TUFT1: variants seen among roughly 807,000 people sequenced by gnomAD.
TUFT1 encodes the protein tuftelin 1.
A neutral mutation model predicts 57.8 loss-of-function variants in TUFT1; 43 were observed. That is an observed-to-expected ratio of 0.74 (90% CI 0.58 to 0.96). The LOEUF is 0.96. TUFT1 is among the 40% of genes least tolerant of loss of function. The pLI, the probability that TUFT1 is intolerant of heterozygous loss-of-function variation, is 0.00. For missense variants in TUFT1, 459 were observed against 489.0 expected, an observed-to-expected ratio of 0.94 and a Z score of 0.58; for synonymous variants, 166 against 176.7, an observed-to-expected ratio of 0.94 and a Z score of 0.48.
intron 1 of TUFT1, among the ~76,000 whole-genome samples, chr1:151,546,601 T>A (rs1482739694): frequency 1.3e-5 from 2 of 152,238 alleles, no homozygotes; most frequent in African/African-American, 4.8e-5. Flanking sequence ...TTGTGGATAT[T>A]TAATATAAAT....
chr1:151,555,447 G>A (rs2102528198), intron 1 of TUFT1, among the ~76,000 whole-genome samples: 1 of 147,316 alleles, frequency 6.8e-6, no homozygotes, highest in Non-Finnish European at 1.5e-5. Context: ...GCAAGTACTT[G>A]AAGGAATATT....
chr1:151,572,683 G>A (rs760329412), intron 7 of TUFT1, among the ~76,000 whole-genome samples: 2 of 152,150 alleles, frequency 1.3e-5, no homozygotes, highest in African/African-American at 2.4e-5. Flanking sequence ...CAATTACCAT[G>A]AAAATAACTT....
At chr1:151,557,701 C>G in intron 1 of TUFT1, 1 of 814,622 alleles carries the variant, frequency 1.2e-6, no homozygotes, top group Non-Finnish European at 2.2e-6. Context: ...TCATCTGCCC[C>G]GGAGATTGTG....
At chr1:151,556,432 A>G (rs1177283273) in intron 1 of TUFT1, among the ~76,000 whole-genome samples, 1 of 120,812 alleles carries the variant, frequency 8.3e-6, no homozygotes, top group East Asian at 2.3e-4. Context: ...TCCTCTCCTC[A>G]GGGTCCTACT....
intron 2 of TUFT1, 178 bp from the exon 3 acceptor site, chr1:151,562,407 G>A: frequency 1.5e-6 from 1 of 655,136 alleles, no homozygotes; most frequent in Non-Finnish European, 2.6e-6. Context: ...TCTTGCTGCT[G>A]TGTGGCTTCT....
chr1:151,582,063 G>C lies in TUFT1; in HGVS notation c.*356G>C. On this transcript the variant is annotated 3_prime_UTR_variant, in exon 13 of 13. Coordinates refer to ENST00000368849, the MANE Select transcript of TUFT1 (RefSeq NM_020127.3). ...AGGCCTTCATCAGATTGGGAGAGGT[G>C]ACAAGATTTGCCTCAGCCCTAAAAG... The C allele has an allele frequency of 1.9e-6, 1 of 517,714 alleles. No individual in the cohort carries two copies. The allele number at this position is 517,714 out of a possible 1,614,324, so 32.1% of individuals were successfully genotyped here. A position where few individuals can be genotyped will look rare whatever the true frequency, so the allele number is the denominator to read the frequency against.
chr1:151,561,443 G>A (rs2102535581), intron 1 of TUFT1: 1 of 612,906 alleles, frequency 1.6e-6, no homozygotes, highest in Non-Finnish European at 2.0e-6. Flanking sequence ...AAGCCTGGGA[G>A]GTTGAGGCTG....
intron 1 of TUFT1, among the ~76,000 whole-genome samples, chr1:151,542,367 A>G (rs1665195232): frequency 6.6e-6 from 1 of 150,672 alleles, no homozygotes; most frequent in Non-Finnish European, 1.5e-5. Context: ...GACTGTAGGC[A>G]CATGCCACCA....
In TUFT1 at chr1:151,563,925, G is replaced by A. The variant is rs1044329362; in HGVS notation, c.259G>A (p.Gly87Arg). 4 of 1,613,984 alleles carry A rather than the reference G, an allele frequency of 2.5e-6. No individual in the cohort carries two copies. The African/African-American group carries it at 5.3e-5, about 22-fold the overall frequency. ...IIKVYLKGRS[G>R]DKMIHEKNIN... The stretch of plus-strand genomic sequence containing the variant: ...TCAGGTGTACTTGAAGGGGAGGTCT[G>A]GAGACAAGATGATTCACGAGAAGAA... Residue 87 changes from glycine to arginine, a missense_variant, in exon 4 of 13, where the codon GGA becomes AGA. Coordinates refer to ENST00000368849, the MANE Select transcript of TUFT1 (RefSeq NM_020127.3).
At position 151,561,466 on chromosome 1, in the gene TUFT1, C is replaced by T. The variant is rs1368229166; in HGVS notation, c.61-625C>T. On this transcript the variant is annotated intron_variant, in intron 1 of 12. Transcript: ENST00000368849. ...GAGGTTGAGGCTGCAGTCATGCGCGCGCGCGCGCACACACACACACACACA... is the reference window on the plus strand; with the variant it reads ...GAGGTTGAGGCTGCAGTCATGCGCGTGCGCGCGCACACACACACACACACA... 8.6e-4 allele frequency: 81 copies of T among 94,170 alleles called. No homozygotes were observed. In the East Asian group the frequency reaches 0.012, roughly 13 times the overall value. 5.8% of individuals were successfully genotyped at this position (94,170 alleles called of 1,614,324 possible). A position where few individuals can be genotyped will look rare whatever the true frequency, so the allele number is the denominator to read the frequency against.
chr1:151,579,324 C>G (rs191240571), intron 10 of TUFT1, among the ~76,000 whole-genome samples: 12 of 152,188 alleles, frequency 7.9e-5, no homozygotes, highest in Admixed American at 5.2e-4. Flanking sequence ...TCCATTATCT[C>G]GAACAGAGTC....
At chr1:151,567,656 G>C (rs180676460) in intron 6 of TUFT1, among the ~76,000 whole-genome samples, 3 of 152,056 alleles carry the variant, frequency 2.0e-5, no homozygotes, top group African/African-American at 7.2e-5. Flanking sequence ...AGCAATTCTC[G>C]TGCCTCAGCG....
rs1169308016 is a variant in TUFT1, at chr1:151,562,148, G to A, written c.118G>A (p.Glu40Lys). The change falls in exon 2 of 13, where the codon GAA (glutamate) becomes AAA (lysine). Residue 40 changes from glutamate (E) to lysine (K), a missense_variant. Coordinates refer to ENST00000368849, the MANE Select transcript of TUFT1 (RefSeq NM_020127.3). ...LQGELTGDEL[E>K]HIAQKAGRKT... is the part of the protein sequence containing the mutation. ...GGGTGAACTGACAGGAGATGAACTT[G>A]AACACATAGCCCAGAAGGTACTGCG... 6.2e-7 allele frequency: 1 copy of A among 1,614,126 alleles called. No individual in the cohort carries two copies. Among genetic ancestry groups the A allele is most frequent in the Admixed American group, 1.7e-5 (1 of 60,024 alleles).
chr1:151,563,657 G>A (rs565694774), intron 3 of TUFT1, among the ~76,000 whole-genome samples: 1 of 152,300 alleles, frequency 6.6e-6, no homozygotes, highest in South Asian at 2.1e-4. Context: ...GTATATATGT[G>A]AGTGTTTATG....
At chr1:151,576,682 G>A (rs1666472389) in intron 9 of TUFT1, among the ~76,000 whole-genome samples, 1 of 152,164 alleles carries the variant, frequency 6.6e-6, no homozygotes, top group Non-Finnish European at 1.5e-5. Flanking sequence ...GCCCAGGCTG[G>A]AGTGCAGTGG....
In TUFT1 at chr1:151,580,934, T is replaced by A. The variant is rs201397701; in HGVS notation, c.1009-8T>A. 20 of 1,613,638 alleles carry A rather than the reference T, an allele frequency of 1.2e-5. No individual in the cohort carries two copies. Among genetic ancestry groups the A allele is most frequent in the Non-Finnish European group, 1.6e-5 (19 of 1,179,726 alleles). On this transcript the variant is annotated splice_polypyrimidine_tract_variant and splice_region_variant and intron_variant, in intron 11 of 12. Transcript: ENST00000368849. ...AGGCCAACTCTAACCCCTAAGCTTGTGTTACAGAATTTAGAGATGCATGAC... is the reference window on the plus strand; with the variant it reads ...AGGCCAACTCTAACCCCTAAGCTTGAGTTACAGAATTTAGAGATGCATGAC...
At position 151,563,960 on chromosome 1, in the gene TUFT1, G is replaced by C; in HGVS notation, c.294G>C (p.Gln98His). Residue 98 changes from glutamine to histidine, a missense_variant, in exon 4 of 13, where the codon CAG becomes CAC. Transcript: ENST00000368849. ...DKMIHEKNIN[Q>H]LKSEVQYIQE... ...TGATTCACGAGAAGAATATTAACCAGCTGAAGAGTGAGGTCCAGTACATCC... is the reference window on the plus strand; with the variant it reads ...TGATTCACGAGAAGAATATTAACCACCTGAAGAGTGAGGTCCAGTACATCC... 1 of 1,614,166 alleles carries C rather than the reference G, an allele frequency of 6.2e-7. No homozygotes were observed. Among genetic ancestry groups the C allele is most frequent in the Non-Finnish European group, 8.5e-7 (1 of 1,180,030 alleles).
At chr1:151,550,167 G>T (rs1190241748) in intron 1 of TUFT1, among the ~76,000 whole-genome samples, 3 of 152,150 alleles carry the variant, frequency 2.0e-5, no homozygotes, top group Non-Finnish European at 2.9e-5. Flanking sequence ...AGGCAACTGG[G>T]ATTACAGGTG....
intron 1 of TUFT1, among the ~76,000 whole-genome samples, chr1:151,555,481 A>G (rs917827593): frequency 2.7e-5 from 4 of 149,108 alleles, no homozygotes; most frequent in African/African-American, 9.9e-5. Flanking sequence ...TTTTTTTAAC[A>G]AAAAAGATAA....
Sources: allele counts gnomAD v4.1 joint callset (sites outside exome capture counted in the v4.1 genomes callset), GRCh38; gene constraint gnomAD v4.1.1; transcripts MANE v1.5; gene names NCBI Gene and HGNC (gene_info 2026-07-23, HGNC 2026-07-21).